The following CDIN1 variants were observed in gnomAD, a reference collection of about 807,000 sequenced individuals.
CDIN1 encodes the protein CDAN1-interacting nuclease 1.
CDIN1 carries 33 observed loss-of-function variants against 45.3 expected under a neutral mutation model. The ratio of observed to expected loss-of-function variants is 0.73; its 90% CI spans 0.55 to 0.97. The LOEUF is 0.97. Among genes scored for constraint, CDIN1 ranks in the 50% least tolerant of loss-of-function variants. The probability of loss-of-function intolerance (pLI) is 0.00; values close to 1 mark genes in which losing one functional copy is unlikely to be tolerated. For missense variants in CDIN1, 303 were observed against 339.4 expected (o/e 0.89, Z 0.84); for synonymous variants, 118 against 124.4 (o/e 0.95, Z 0.34).
At chr15:36,760,507 C>G (rs768419948) in intron 10 of CDIN1, among the ~76,000 whole-genome samples, 7 of 152,178 alleles carry the variant, frequency 4.6e-5, no homozygotes, top group Non-Finnish European at 1.0e-4. Context: ...TTCTACCATC[C>G]AGTTCTTAGG....
intron 10 of CDIN1, among the ~76,000 whole-genome samples, chr15:36,806,592 G>A (rs887932341): frequency 1.6e-4 from 24 of 152,230 alleles, no homozygotes; most frequent in African/African-American, 2.4e-5. Context: ...TGTCAAGGCC[G>A]TGACTCAGGG....
At chr15:36,646,207 A>C (rs149714571) in intron 3 of CDIN1, among the ~76,000 whole-genome samples, 16 of 152,310 alleles carry the variant, frequency 1.1e-4, no homozygotes, top group African/African-American at 3.6e-4. Context: ...TTTATGCATA[A>C]AAATTTTATG....
chr15:36,774,201 GC>G lies in CDIN1; in HGVS notation c.717-34119del, dbSNP rs1286091186. Among the ~76,000 whole-genome samples, 3 of 150,396 alleles carry G rather than the reference GC, an allele frequency of 2.0e-5. No individual in the cohort carries two copies. In the East Asian group the frequency reaches 5.9e-4, roughly 30 times the overall value. On this transcript the variant is annotated intron_variant, in intron 10 of 10. Transcript: ENST00000566621. Reference sequence around the variant, plus strand: ...ATGCATGAGGGGAGACACAATCATAGCCCCTTAGGTTACTAGAGACAGGATT... The same window carrying G: ...ATGCATGAGGGGAGACACAATCATAGCCCTTAGGTTACTAGAGACAGGATT...
chr15:36,632,310 G>GGAGCTTTCTCTGAAGTTCTCTCATCT (rs1423038752), intron 1 of CDIN1, among the ~76,000 whole-genome samples: 5 of 152,170 alleles, frequency 3.3e-5, no homozygotes, highest in Non-Finnish European at 7.3e-5. Context: ...AGCACAGAGA[G>GGAGCTTTCTCTGAAGTTCTCTCATCT]GAGCTTTCTC....
At position 36,654,240 on chromosome 15, in the gene CDIN1, C is replaced by T. The variant is rs10220785; in HGVS notation, c.273+82C>T. 1,053,539 of 1,098,514 alleles carry T rather than the reference C, an allele frequency of 0.96. 505,405 individuals carry two copies. The highest frequency in any genetic ancestry group is 1 in the East Asian group (38,204 of 38,236). The allele number at this position is 1,098,514 out of a possible 1,614,324, so 68.0% of individuals were successfully genotyped here. On this transcript the variant is annotated intron_variant, in intron 4 of 10. Coordinates refer to ENST00000566621, the MANE Select transcript of CDIN1 (RefSeq NM_001321759.2). The stretch of plus-strand genomic sequence containing the variant: ...AGAGTAACTTTGCTTACAATTATAA[C>T]TACCTTTGGAAAAAAAAAGGATTTG...
chr15:36,614,622 A>G (rs981675045), intron 1 of CDIN1, among the ~76,000 whole-genome samples: 1 of 152,008 alleles, frequency 6.6e-6, no homozygotes, highest in African/African-American at 2.4e-5. Flanking sequence ...TCCCCTCTCC[A>G]TAGAGGAGAG....
chr15:36,745,467 G>C (rs1208065694), intron 10 of CDIN1, among the ~76,000 whole-genome samples: 1 of 151,908 alleles, frequency 6.6e-6, no homozygotes, highest in African/African-American at 2.4e-5. Flanking sequence ...AAATATGCAT[G>C]GTTCACTGTA....
chr15:36,629,774 G>A (rs2039604382), intron 1 of CDIN1, among the ~76,000 whole-genome samples: 1 of 152,152 alleles, frequency 6.6e-6, no homozygotes, highest in Non-Finnish European at 1.5e-5. Context: ...AAATTGGTGA[G>A]GAGAGGCGGG....
At chr15:36,794,698 A>G (rs1195646201) in intron 10 of CDIN1, among the ~76,000 whole-genome samples, 1 of 152,182 alleles carries the variant, frequency 6.6e-6, no homozygotes, top group East Asian at 1.9e-4. Flanking sequence ...CCATTCATAC[A>G]TCTATCAGTG....
At chr15:36,657,480 A>G (rs2140465728) in intron 4 of CDIN1, among the ~76,000 whole-genome samples, 1 of 152,240 alleles carries the variant, frequency 6.6e-6, no homozygotes, top group Non-Finnish European at 1.5e-5. Context: ...GTTGCATAGA[A>G]AGAAGCATGG....
intron 10 of CDIN1, among the ~76,000 whole-genome samples, chr15:36,793,018 C>T (rs2054688126): frequency 1.3e-5 from 2 of 152,164 alleles, no homozygotes; most frequent in Non-Finnish European, 2.9e-5. Flanking sequence ...GCATGTGGCT[C>T]TTCCTTGAAG....
intron 1 of CDIN1, among the ~76,000 whole-genome samples, chr15:36,584,683 G>A (rs1480883946): frequency 1.3e-5 from 2 of 151,980 alleles, no homozygotes; most frequent in East Asian, 1.9e-4. Flanking sequence ...ATCCCAGCAC[G>A]GGACACGCTC....
chr15:36,800,507 G>A (rs1331916049), intron 10 of CDIN1, among the ~76,000 whole-genome samples: 1 of 152,030 alleles, frequency 6.6e-6, no homozygotes, highest in Non-Finnish European at 1.5e-5. Flanking sequence ...ATAAACATGT[G>A]CAAGCATATT....
chr15:36,613,814 G>GCTAA (rs1382392227), intron 1 of CDIN1: 1 of 1,603,104 alleles, frequency 6.2e-7, no homozygotes, highest in Non-Finnish European at 8.5e-7. Context: ...ACCCAAAGAA[G>GCTAA]CTAAGCACAT....
chr15:36,701,838 TGA>T (rs1048058427), intron 8 of CDIN1, among the ~76,000 whole-genome samples: 4 of 152,162 alleles, frequency 2.6e-5, no homozygotes, highest in African/African-American at 7.2e-5. Flanking sequence ...TGTGGGACTC[TGA>T]GAGAGTATAA....
chr15:36,755,473 AC>A (rs2053586905), intron 10 of CDIN1, among the ~76,000 whole-genome samples: 1 of 152,096 alleles, frequency 6.6e-6, no homozygotes, highest in East Asian at 1.9e-4. Flanking sequence ...AATTAATGTC[AC>A]CTTTAGCTGA....
chr15:36,702,358 GGC>G (rs2042676689), intron 8 of CDIN1, among the ~76,000 whole-genome samples: 1 of 152,142 alleles, frequency 6.6e-6, no homozygotes, highest in Admixed American at 6.6e-5. Context: ...GCTTCTCCCT[GGC>G]ACTGAGAAAA....
At chr15:36,677,071 C>T (rs1008796587) in intron 5 of CDIN1, among the ~76,000 whole-genome samples, 1 of 152,142 alleles carries the variant, frequency 6.6e-6, no homozygotes, top group Admixed American at 6.6e-5. Context: ...GAGTAGTCTT[C>T]TCTTTCCTTT....
chr15:36,787,167 T>A (rs1414333332), intron 10 of CDIN1, among the ~76,000 whole-genome samples: 1 of 152,206 alleles, frequency 6.6e-6, no homozygotes, highest in African/African-American at 2.4e-5. Context: ...CTGCACTGAT[T>A]TTCAAACTGA....
Sources: gnomAD v4.1 joint callset for allele counts (sites outside exome capture counted in the v4.1 genomes callset) on GRCh38, gnomAD v4.1.1 for gene constraint, MANE v1.5 for transcripts, NCBI Gene and HGNC (gene_info 2026-07-23, HGNC 2026-07-21) for gene names.